Variants in DIAPH2 observed in about 807,000 individuals in gnomAD.
The protein encoded by DIAPH2 is diaphanous related formin 2, also known as protein diaphanous homolog 2.
Under a neutral mutation model 92.7 loss-of-function variants are expected in DIAPH2, and 35 were observed. That is an observed-to-expected ratio of 0.38 (90% CI 0.29 to 0.50). DIAPH2 has a LOEUF of 0.50. Ranked by LOEUF, DIAPH2 falls within the 20% of genes least tolerant of loss-of-function variation. The probability of loss-of-function intolerance (pLI) is 0.94; values close to 1 mark genes in which losing one functional copy is unlikely to be tolerated. For missense variants in DIAPH2, 701 were observed against 819.5 expected (o/e 0.86, Z 1.77); for synonymous variants, 301 against 280.4 (o/e 1.07, Z -0.73).
At chrX:96,806,890 G>A (rs940199698) in intron 4 of DIAPH2, among the ~76,000 whole-genome samples, 9 of 108,312 alleles carry the variant, frequency 8.3e-5, no homozygotes, top group East Asian at 3.0e-4. Context: ...ACAGGCGCCC[G>A]ACACCACGCC....
chrX:97,470,750 C>T (rs2070555716), intron 26 of DIAPH2, among the ~76,000 whole-genome samples: 1 of 108,910 alleles, frequency 9.2e-6, no homozygotes, highest in Non-Finnish European at 1.9e-5. Flanking sequence ...AGCTCCAAAG[C>T]ATGTGAAATA....
At chrX:97,515,376 C>A (rs913018942) in intron 26 of DIAPH2, among the ~76,000 whole-genome samples, 1 of 112,519 alleles carries the variant, frequency 8.9e-6, no homozygotes, top group African/African-American at 3.2e-5. Flanking sequence ...GGCTTGCGCA[C>A]GGTGCGCGCA....
At chrX:96,900,279 T>A (rs1363163785) in intron 5 of DIAPH2, among the ~76,000 whole-genome samples, 2 of 111,735 alleles carry the variant, frequency 1.8e-5, no homozygotes, top group African/African-American at 6.5e-5. Context: ...GTTCTTCATT[T>A]GACTGTCTGC....
At chrX:96,762,996 T>C in intron 4 of DIAPH2, 1 of 563,118 alleles carries the variant, frequency 1.8e-6, no homozygotes, top group South Asian at 3.2e-5. Context: ...TATTTACTAA[T>C]TTACTAAACA....
chrX:97,176,326 A>G (rs2067491021), intron 22 of DIAPH2, among the ~76,000 whole-genome samples: 1 of 111,257 alleles, frequency 9.0e-6, no homozygotes, highest in South Asian at 3.8e-4. Flanking sequence ...TCTTTCTCTT[A>G]TGCCCTTTTT....
At chrX:97,463,274 CTTTT>C (rs34254892) in intron 26 of DIAPH2, among the ~76,000 whole-genome samples, 3 of 92,289 alleles carry the variant, frequency 3.3e-5, no homozygotes, top group Non-Finnish European at 4.3e-5. Flanking sequence ...TATCTGAATC[CTTTT>C]TTTTTTTTTT....
intron 13 of DIAPH2, among the ~76,000 whole-genome samples, chrX:96,943,196 T>C (rs754749256): frequency 3.5e-4 from 39 of 111,435 alleles, no homozygotes; most frequent in Non-Finnish European, 4.3e-4. Context: ...AAAATGTGAC[T>C]TTTAATGTCT....
At chrX:97,266,929 TGAA>T (rs1262492635) in intron 23 of DIAPH2, among the ~76,000 whole-genome samples, 1 of 111,694 alleles carries the variant, frequency 9.0e-6, no homozygotes, top group Non-Finnish European at 1.9e-5. Flanking sequence ...GTTTATTTTC[TGAA>T]GAATAGCAGA....
chrX:97,260,226 C>T (rs1217289276), intron 23 of DIAPH2, among the ~76,000 whole-genome samples: 2 of 112,636 alleles, frequency 1.8e-5, no homozygotes, highest in Non-Finnish European at 3.7e-5. Context: ...GGCACTGTGT[C>T]AGATAGTTGG....
At chrX:97,282,574 G>T (rs190355349) in intron 23 of DIAPH2, among the ~76,000 whole-genome samples, 37 of 112,055 alleles carry the variant, frequency 3.3e-4, no homozygotes, top group Non-Finnish European at 5.8e-4. Context: ...CTCCCAAAGT[G>T]CTGGGATTAC....
At position 97,416,980 on chromosome X, in the gene DIAPH2, G is replaced by A. The variant is rs965126007; in HGVS notation, c.3146-12670G>A. On this transcript the variant is annotated intron_variant, in intron 25 of 26. Coordinates refer to ENST00000324765, the MANE Select transcript of DIAPH2 (RefSeq NM_006729.5). Reference sequence around the variant, plus strand: ...TTTGCCCCTTCAGGTACCTGGGTCCGAAAGACAAACCAGCAATGGAGGAGG... The same window carrying A: ...TTTGCCCCTTCAGGTACCTGGGTCCAAAAGACAAACCAGCAATGGAGGAGG... Among the ~76,000 whole-genome samples, 4 of 111,888 alleles carry A rather than the reference G, an allele frequency of 3.6e-5. No individual in the cohort carries two copies. The Admixed American group carries it at 3.8e-4, about 11-fold the overall frequency.
At chrX:96,714,507 A>G (rs6620137) in intron 1 of DIAPH2, among the ~76,000 whole-genome samples, 22,978 of 109,681 alleles carry the variant, frequency 0.21, 1,831 homozygotes, top group East Asian at 0.33. Flanking sequence ...CGGGTCATCC[A>G]TCTGCCTCAG....
At chrX:97,291,438 A>G (rs995015836) in intron 23 of DIAPH2, among the ~76,000 whole-genome samples, 3 of 111,769 alleles carry the variant, frequency 2.7e-5, no homozygotes, top group Non-Finnish European at 5.6e-5. Context: ...TAGTGTGTCT[A>G]TCTCCATATT....
intron 23 of DIAPH2, among the ~76,000 whole-genome samples, chrX:97,295,633 A>G (rs1366005219): frequency 2.7e-5 from 3 of 110,866 alleles, no homozygotes; most frequent in Non-Finnish European, 5.7e-5. Context: ...ACTAGTAAAC[A>G]GAAGAGTTAA....
At chrX:97,148,925 A>G (rs1475761001) in intron 22 of DIAPH2, among the ~76,000 whole-genome samples, 1 of 111,506 alleles carries the variant, frequency 9.0e-6, no homozygotes, top group Non-Finnish European at 1.9e-5. Flanking sequence ...ATTTGTTAAT[A>G]ATGGAGAGGA....
chrX:97,347,435 G>C (rs1471004432), intron 23 of DIAPH2, among the ~76,000 whole-genome samples: 1 of 109,184 alleles, frequency 9.2e-6, no homozygotes, highest in Non-Finnish European at 1.9e-5. Flanking sequence ...ATATTAAAAA[G>C]AGAGAAAAAA....
At chrX:97,267,536 G>A (rs1237895495) in intron 23 of DIAPH2, among the ~76,000 whole-genome samples, 1 of 111,272 alleles carries the variant, frequency 9.0e-6, no homozygotes. Flanking sequence ...TTAGAAACAG[G>A]AAATGCCAAG....
chrX:97,353,610 C>T (rs1441390999), intron 24 of DIAPH2, among the ~76,000 whole-genome samples: 1 of 110,768 alleles, frequency 9.0e-6, no homozygotes, highest in African/African-American at 3.3e-5. Flanking sequence ...TTATTAGATT[C>T]ATTGACATAA....
At chrX:97,528,113 A>G (rs1251050651) in intron 26 of DIAPH2, among the ~76,000 whole-genome samples, 2 of 112,212 alleles carry the variant, frequency 1.8e-5, no homozygotes, top group Admixed American at 9.5e-5. Context: ...AACCAAAGGA[A>G]AAGGAGTTCT....
Sources: allele counts gnomAD v4.1 joint callset (sites outside exome capture counted in the v4.1 genomes callset), GRCh38; gene constraint gnomAD v4.1.1; transcripts MANE v1.5; gene names NCBI Gene and HGNC (gene_info 2026-07-23, HGNC 2026-07-21).